Variants in CNTNAP1 observed in about 807,000 individuals in gnomAD.
CNTNAP1 encodes the protein contactin-associated protein 1.
A neutral mutation model predicts 161.5 loss-of-function variants in CNTNAP1; 80 were observed. That is an observed-to-expected ratio of 0.50 (90% CI 0.41 to 0.60). CNTNAP1 has a LOEUF of 0.60. Among genes scored for constraint, CNTNAP1 ranks in the 20% least tolerant of loss-of-function variants. The probability of loss-of-function intolerance (pLI) is 0.00; values close to 1 mark genes in which losing one functional copy is unlikely to be tolerated. For synonymous variants in CNTNAP1, 695 were observed against 733.1 expected, an observed-to-expected ratio of 0.95 and a Z score of 0.84; for missense variants, 1,464 against 1,854.8, an observed-to-expected ratio of 0.79 and a Z score of 3.87.
At chr17:42,686,244 G>A in intron 6 of CNTNAP1, 103 bp downstream of exon 6, 1 of 1,204,828 alleles carries the variant, frequency 8.3e-7, no homozygotes, top group Non-Finnish European at 1.2e-6. Context: ...TCAGAGGAAA[G>A]ACCTGGCATT....
intron 6 of CNTNAP1, 33 bp downstream of exon 6, chr17:42,686,174 G>C: frequency 6.2e-7 from 1 of 1,608,414 alleles, no homozygotes; most frequent in Non-Finnish European, 8.5e-7. Context: ...TTTCGTGGTA[G>C]GGTAGATGCT....
chr17:42,683,677 G>C (rs1272943256), intron 1 of CNTNAP1, 144 bp from the exon 2 acceptor site: 22 of 1,446,466 alleles, frequency 1.5e-5, no homozygotes, highest in Non-Finnish European at 1.8e-5. Flanking sequence ...GGATTGAATA[G>C]ATGGCTTTAA....
rs937623197 is a variant in CNTNAP1 at position 42,683,605 on chromosome 17, C to T, written c.68-216C>T. On this transcript the variant is annotated intron_variant, in intron 1 of 23. Transcript: ENST00000264638. Reference sequence around the variant, plus strand: ...CTGGCCTTGGGCCTATAGGTGTAGCCTAGGGGTTTGCCTAGAAGGAGAAGG... The same window carrying T: ...CTGGCCTTGGGCCTATAGGTGTAGCTTAGGGGTTTGCCTAGAAGGAGAAGG... 2.4e-5 allele frequency: 34 copies of T among 1,418,240 alleles called. No homozygotes were observed. In the Admixed American group the frequency reaches 6.4e-4, roughly 27 times the overall value. 87.9% of individuals were successfully genotyped at this position (1,418,240 alleles called of 1,614,324 possible).
chr17:42,691,634 G>A lies in CNTNAP1; in HGVS notation c.2344+123G>A, dbSNP rs185924574. On this transcript the variant is annotated intron_variant, in intron 15 of 23. Coordinates refer to ENST00000264638, the MANE Select transcript of CNTNAP1 (RefSeq NM_003632.3). The surrounding 1 kb of genome is among the most constrained non-coding windows in gnomAD (Gnocchi z 4.3). ...CGACCCCCAGCTCCTGCTGTGATGC[G>A]ATCTCATTACCCCTCTGCACCTGGC... 17 of 1,438,542 alleles carry A rather than the reference G, an allele frequency of 1.2e-5. No individual in the cohort carries two copies. The highest frequency in any genetic ancestry group is 7.0e-5 in the African/African-American group (5 of 70,970). 89.1% of individuals were successfully genotyped at this position (1,438,542 alleles called of 1,614,324 possible).
intron 3 of CNTNAP1, 67 bp from the exon 4 acceptor site, chr17:42,684,924 C>CA: frequency 6.4e-7 from 1 of 1,562,210 alleles, no homozygotes; most frequent in South Asian, 1.2e-5. Flanking sequence ...GACTCTGTCT[C>CA]AAAAAATAAA....
chr17:42,683,664 C>G, intron 1 of CNTNAP1, 157 bp from the exon 2 acceptor site: 1 of 1,439,000 alleles, frequency 6.9e-7, no homozygotes, highest in Non-Finnish European at 9.1e-7. Flanking sequence ...GTTGCTGCAG[C>G]CAGGATTGAA....
intron 11 of CNTNAP1, chr17:42,689,887 C>A (rs1399022899): frequency 1.7e-6 from 1 of 597,134 alleles, no homozygotes; most frequent in Non-Finnish European, 2.9e-6. Flanking sequence ...ACTACAGGTG[C>A]ACACCACCAC....
At chr17:42,686,469 G>GTTTTTTTTTT (rs748366958) in intron 6 of CNTNAP1, among the ~76,000 whole-genome samples, 2,354 of 71,140 alleles carry the variant, frequency 0.033, 258 homozygotes, top group Non-Finnish European at 0.041. Flanking sequence ...AAAAAGGCCT[G>GTTTTTTTTTT]TTTTTTTTTT....
At chr17:42,688,113 C>T in intron 8 of CNTNAP1, 132 bp downstream of exon 8, 1 of 1,341,788 alleles carries the variant, frequency 7.5e-7, no homozygotes, top group Non-Finnish European at 1.0e-6. Flanking sequence ...CAGGAGGCCC[C>T]AGGGTACTGG....
At chr17:42,698,534 C>CAT (rs2053181766) in intron 23 of CNTNAP1, 84 bp from the exon 24 acceptor site, 1 of 863,908 alleles carries the variant, frequency 1.2e-6, no homozygotes. Context: ...TCAAAGAGTG[C>CAT]GTGTGTGTGT....
In CNTNAP1 at chr17:42,686,956, T is replaced by C. The variant is rs2053024912; in HGVS notation, c.954T>C (p.His318=). The change falls in exon 7 of 24, where the codon CAT becomes CAC. Residue 318 remains histidine (H), a synonymous_variant. Coordinates refer to ENST00000264638, the MANE Select transcript of CNTNAP1 (RefSeq NM_003632.3). The stretch of plus-strand genomic sequence containing the variant: ...CGCGGAAGAACCTGGCCTATCGGCA[T>C]AACTTCCGCGGCTGCATAGAAAACG... ...GAARKNLAYR[H]NFRGCIENVI... The C allele has an allele frequency of 6.2e-7, 1 of 1,613,842 alleles. No homozygotes were observed. The highest frequency in any genetic ancestry group is 8.5e-7 in the Non-Finnish European group (1 of 1,179,856).
chr17:42,686,951 C>A lies in CNTNAP1; in HGVS notation c.949C>A (p.Arg317=), dbSNP rs745401594. The A allele has an allele frequency of 8.1e-6, 13 of 1,613,722 alleles. No individual in the cohort carries two copies. The highest frequency in any genetic ancestry group is 5.3e-5 in the African/African-American group (4 of 74,948). Residue 317 remains arginine (R), a synonymous_variant, in exon 7 of 24, where the codon CGG becomes AGG. Transcript: ENST00000264638. ...VGAARKNLAY[R]HNFRGCIENV... ...CGCCGCGCGGAAGAACCTGGCCTAT[C>A]GGCATAACTTCCGCGGCTGCATAGA... is the stretch of plus-strand genomic sequence containing the variant.
At chr17:42,693,793 G>A (rs2053121364) in intron 18 of CNTNAP1, among the ~76,000 whole-genome samples, 20 of 152,152 alleles carry the variant, frequency 1.3e-4, no homozygotes, top group Admixed American at 1.3e-3. Context: ...AGCCCAAGGT[G>A]GGAGGATTGC....
chr17:42,684,142 T>C lies in CNTNAP1; in HGVS notation c.276T>C (p.Asn92=). ...CCGTGGCCACACAGGGCTCCTTTAA[T>C]TCTTGGGACTGGGTCACACGTTACA... ...IRAVATQGSF[N]SWDWVTRYML... The change falls in exon 3 of 24, where the codon AAT becomes AAC. Residue 92 remains asparagine, a synonymous_variant. Transcript: ENST00000264638. 6.2e-7 allele frequency: 1 copy of C among 1,614,208 alleles called. No individual in the cohort carries two copies. Among genetic ancestry groups the C allele is most frequent in the Non-Finnish European group, 8.5e-7 (1 of 1,180,022 alleles).
chr17:42,687,794 A>G lies in CNTNAP1; in HGVS notation c.1119A>G (p.Gln373=), dbSNP rs942947443. 4 of 1,614,092 alleles carry G rather than the reference A, an allele frequency of 2.5e-6. No individual in the cohort carries two copies. In the African/African-American group the frequency reaches 4.0e-5, roughly 16 times the overall value. Residue 373 remains glutamine (Q), a synonymous_variant, in exon 8 of 24, where the codon CAA becomes CAG. Coordinates refer to ENST00000264638, the MANE Select transcript of CNTNAP1 (RefSeq NM_003632.3). The surrounding 1 kb of genome is among the most constrained non-coding windows in gnomAD (Gnocchi z 4.7). ...TCGGAGGCCCTCACAACTTCGTTCAAGTGCCCGGTTTCCCACGCCGTGGCC... is the reference window on the plus strand; with the variant it reads ...TCGGAGGCCCTCACAACTTCGTTCAGGTGCCCGGTTTCCCACGCCGTGGCC... ...INFGGPHNFV[Q]VPGFPRRGRL...
chr17:42,685,473 C>A lies in CNTNAP1; in HGVS notation c.715+53C>A. The A allele has an allele frequency of 6.6e-7, 1 of 1,526,350 alleles. No individual in the cohort carries two copies. The highest frequency in any genetic ancestry group is 1.4e-5 in the African/African-American group (1 of 73,366). 94.6% of individuals were successfully genotyped at this position (1,526,350 alleles called of 1,614,324 possible). ...GAGCCAACCCCTGAAGCTCTCTCAC[C>A]GCCCTCCTCGTGGCACCTCCTCCGC... is the stretch of plus-strand genomic sequence containing the variant. On this transcript the variant is annotated intron_variant, in intron 5 of 23. Transcript: ENST00000264638. The surrounding 1 kb of genome is among the most constrained non-coding windows in gnomAD (Gnocchi z 5.0).
In CNTNAP1 at chr17:42,692,519, G is replaced by A. The variant is rs199782327; in HGVS notation, c.2551G>A (p.Ala851Thr). The stretch of plus-strand genomic sequence containing the variant: ...TCCAGCATCCCGGGATGTGGTCTTC[G>A]CCTTTGATGTGGGGAATGGGGATGA... Reference protein sequence around the residue: ...ELNTSRDVVFAFDVGNGDENL... With the variant: ...ELNTSRDVVFTFDVGNGDENL... Residue 851 changes from alanine (A) to threonine (T), a missense_variant, in exon 17 of 24, where the codon GCC becomes ACC. By Grantham distance (58) the Ala-to-Thr change is moderately conservative. Coordinates refer to ENST00000264638, the MANE Select transcript of CNTNAP1 (RefSeq NM_003632.3). The A allele has an allele frequency of 8.7e-6, 14 of 1,614,056 alleles. No homozygotes were observed. Among genetic ancestry groups the A allele is most frequent in the East Asian group, 4.5e-5 (2 of 44,882 alleles).
Position 42,699,108 on chromosome 17 carries a change from A to C in CNTNAP1, c.*198A>C. On this transcript the variant is annotated 3_prime_UTR_variant, in exon 24 of 24. Transcript: ENST00000264638. ...GGAGTGGCCGAGCCTCACTGCCTAA[A>C]CCAATGCCCTTCTCATCCCTGTTTC... The C allele has an allele frequency of 4.4e-6, 2 of 459,496 alleles. No homozygotes were observed. Among genetic ancestry groups the C allele is most frequent in the Non-Finnish European group, 7.6e-6 (2 of 262,174 alleles). The allele number at this position is 459,496 out of a possible 1,614,324, so 28.5% of individuals were successfully genotyped here.
At chr17:42,688,810 C>T (rs1481644634) in intron 9 of CNTNAP1, 66 bp from the exon 10 acceptor site, 4 of 1,578,728 alleles carry the variant, frequency 2.5e-6, no homozygotes, top group East Asian at 2.2e-5. Flanking sequence ...TCCCCCTCAG[C>T]ATGTCCCTGG....
Sources: gnomAD v4.1 joint callset for allele counts (sites outside exome capture counted in the v4.1 genomes callset) on GRCh38, gnomAD v4.1.1 for gene constraint, Gnocchi (gnomAD v3.1) non-coding constraint, MANE v1.5 for transcripts, NCBI Gene and HGNC (gene_info 2026-07-23, HGNC 2026-07-21) for gene names.